Variants in SLC6A16 observed in about 807,000 individuals in gnomAD.
SLC6A16 encodes the protein solute carrier family 6 member 16.
A neutral mutation model predicts 65.4 loss-of-function variants in SLC6A16; 54 were observed. The observed-to-expected ratio is 0.83, with a 90% CI of 0.66 to 1.04. SLC6A16 has a LOEUF of 1.04. SLC6A16 is among the 50% of genes least tolerant of loss of function. SLC6A16 has a pLI of 0.00. For synonymous variants in SLC6A16, 330 were observed against 346.5 expected, an observed-to-expected ratio of 0.95 and a Z score of 0.53; for missense variants, 816 against 914.0, an observed-to-expected ratio of 0.89 and a Z score of 1.38.
At chr19:49,327,151 G>A (rs1226870736), upstream of SLC6A16, among the ~76,000 whole-genome samples, 1 of 151,006 alleles carries the variant, frequency 6.6e-6, no homozygotes, top group Non-Finnish European at 1.5e-5. Flanking sequence ...TCGGCTCACT[G>A]CAACCTCTGC....
intron 3 of SLC6A16, 76 bp from the exon 4 acceptor site, chr19:49,310,242 G>A: frequency 1.2e-6 from 2 of 1,605,452 alleles, no homozygotes; most frequent in Non-Finnish European, 1.7e-6. Flanking sequence ...AGAGGATTGG[G>A]GAACCAAAGG....
the SLC6A16 span, chr19:49,335,261 T>A: frequency 4.1e-6 from 2 of 484,346 alleles, no homozygotes; most frequent in South Asian, 5.2e-5. The surrounding 1 kb of genome is among the most constrained non-coding windows in gnomAD (Gnocchi z 4.6). Flanking sequence ...GCCCCATGAG[T>A]CCTTGGTGCC....
chr19:49,337,198 C>G, the SLC6A16 span: 1 of 1,614,026 alleles, frequency 6.2e-7, no homozygotes, highest in African/African-American at 1.3e-5. Context: ...CCTGGGAATC[C>G]TCATCTCCAC....
At chr19:49,307,730 A>AAAAAAAG (rs1447308100) in intron 7 of SLC6A16, among the ~76,000 whole-genome samples, 2 of 143,850 alleles carry the variant, frequency 1.4e-5, no homozygotes, top group Non-Finnish European at 3.0e-5. Flanking sequence ...GAAGCAAAAA[A>AAAAAAAG]AAAGAAAAAG....
In SLC6A16 at chr19:49,325,167, C is replaced by T. The variant is rs1280313088; in HGVS notation, c.-184G>A. The T allele has an allele frequency of 7.1e-6, 7 of 985,370 alleles. No individual in the cohort carries two copies. The highest frequency in any genetic ancestry group is 1.7e-5 in the African/African-American group (1 of 57,246). The allele number at this position is 985,370 out of a possible 1,614,324, so 61.0% of individuals were successfully genotyped here. On this transcript the variant is annotated 5_prime_UTR_variant, in exon 1 of 12. Transcript: ENST00000335875. The stretch of plus-strand genomic sequence containing the variant: ...CAGGCCCCTTCAGGCGTCGACAGAT[C>T]GGTTTGGGCGACACCCCTCGATCTG...
At chr19:49,326,566 T>A (rs1307320836), upstream of SLC6A16, among the ~76,000 whole-genome samples, 1 of 152,180 alleles carries the variant, frequency 6.6e-6, no homozygotes, top group Non-Finnish European at 1.5e-5. Context: ...AATCATTCAA[T>A]CTTTCAACAC....
At chr19:49,339,326 C>CA in the SLC6A16 span, 1 of 1,613,696 alleles carries the variant, frequency 6.2e-7, no homozygotes, top group Non-Finnish European at 8.5e-7. This position sits in a 1 kb window ranked among gnomAD's most constrained non-coding sequence, Gnocchi z 4.5. Context: ...CCTACACCCC[C>CA]CAGGGCTGCG....
Position 49,310,383 on chromosome 19 carries a change from C to T in SLC6A16, c.543G>A (p.Trp181Ter), listed in dbSNP as rs1277362371. ...AGCTAGAATACCCCACACCACCAATCCAGGGGGCAATGATCTTCCATACAC... is the reference window on the plus strand; with the variant it reads ...AGCTAGAATACCCCACACCACCAATTCAGGGGGCAATGATCTTCCATACAC... The part of the protein sequence containing the change: ...GMGVWKIIAP[W>*]IGGVGYSSFM... Residue 181 changes from tryptophan to a stop codon, truncating the protein, a stop_gained, in exon 3 of 12, where the codon TGG becomes TGA. Coordinates refer to ENST00000335875, the MANE Select transcript of SLC6A16 (RefSeq NM_014037.3). LOFTEE classifies it high-confidence loss of function. The T allele has an allele frequency of 1.9e-6, 3 of 1,613,978 alleles. No individual in the cohort carries two copies. The highest frequency in any genetic ancestry group is 1.3e-5 in the African/African-American group (1 of 74,898).
rs1056601994 is a variant in SLC6A16 at position 49,308,878 on chromosome 19, C to T, written c.1227G>A (p.Glu409=). ...CTTAACAAAGGGGCCGGCCTTACCT[C>T]TCACAGCAGCGATGTGTGATGACTG... ...WATVITHRCC[E]RNAEILLKLI... Residue 409 remains glutamate, a splice_region_variant and synonymous_variant, in exon 7 of 12, where the codon GAG becomes GAA. Coordinates refer to ENST00000335875, the MANE Select transcript of SLC6A16 (RefSeq NM_014037.3). 2 of 1,613,996 alleles carry T rather than the reference C, an allele frequency of 1.2e-6. No homozygotes were observed. Among genetic ancestry groups the T allele is most frequent in the African/African-American group, 2.7e-5 (2 of 74,902 alleles).
At chr19:49,335,561 C>T in the SLC6A16 span, 1 of 1,613,972 alleles carries the variant, frequency 6.2e-7, no homozygotes, top group Non-Finnish European at 8.5e-7. This position sits in a 1 kb window ranked among gnomAD's most constrained non-coding sequence, Gnocchi z 4.6. Flanking sequence ...AGGAGAGCTG[C>T]CTCAGCCTCA....
chr19:49,306,549 T>TG (rs898504952), intron 7 of SLC6A16, among the ~76,000 whole-genome samples: 1 of 141,564 alleles, frequency 7.1e-6, no homozygotes, highest in African/African-American at 2.8e-5. Flanking sequence ...TTTTTTTTCT[T>TG]TTTTTTTTTT....
At chr19:49,336,957 C>A in the SLC6A16 span, 1 of 1,614,186 alleles carries the variant, frequency 6.2e-7, no homozygotes, top group Non-Finnish European at 8.5e-7. Flanking sequence ...CTGGCCATCT[C>A]AGGAATCTTC....
Position 49,309,253 on chromosome 19 carries a change from T to C in SLC6A16, c.987+48A>G, listed in dbSNP as rs778482969. The C allele has an allele frequency of 3.2e-6, 5 of 1,572,132 alleles. No homozygotes were observed. In the South Asian group the frequency reaches 4.4e-5, roughly 14 times the overall value. ...AAAGGAAGCTCTAAGAATAGGCAGC[T>C]GTGGTGCCCTACAAGGCCTGACGGG... On this transcript the variant is annotated intron_variant, in intron 6 of 11. Transcript: ENST00000335875.
rs1393653107 is a variant in SLC6A16, at chr19:49,308,903, G to A, written c.1202C>T (p.Thr401Ile). 2.5e-6 allele frequency: 4 copies of A among 1,614,166 alleles called. No individual in the cohort carries two copies. The African/African-American group carries it at 4.0e-5, about 16-fold the overall frequency. Residue 401 changes from threonine (T) to isoleucine (I), a missense_variant, in exon 7 of 12, where the codon ACA becomes ATA. By Grantham distance (89) the Thr-to-Ile change is moderately conservative. Transcript: ENST00000335875. ...CTCACAGCAGCGATGTGTGATGACT[G>A]TCGCCCAGAAGCCCAGGACACAGAA... ...FNFCVLGFWA[T>I]VITHRCCERN...
chr19:49,312,387 C>T (rs925229224), intron 1 of SLC6A16: 7 of 203,806 alleles, frequency 3.4e-5, no homozygotes, highest in Non-Finnish European at 5.2e-5. Flanking sequence ...TAGCAGCTAC[C>T]TACCCACAAC....
At chr19:49,337,100 C>T in the SLC6A16 span, 17 of 1,614,002 alleles carry the variant, frequency 1.1e-5, no homozygotes, top group Middle Eastern at 1.6e-4. Flanking sequence ...TGGCCTGGGC[C>T]GGGGTTGCAG....
At chr19:49,336,809 C>A in the SLC6A16 span, 1 of 1,323,264 alleles carries the variant, frequency 7.6e-7, no homozygotes, top group Non-Finnish European at 1.1e-6. Flanking sequence ...GAGAGGGGCA[C>A]CAAGATACTG....
At chr19:49,301,352 TG>T (rs146498909) in intron 7 of SLC6A16, among the ~76,000 whole-genome samples, 36,758 of 151,986 alleles carry the variant, frequency 0.24, 4,692 homozygotes, top group South Asian at 0.39. Context: ...CACATTTCCG[TG>T]GGGACTGGCA....
At chr19:49,332,530 C>A in the SLC6A16 span, among the ~76,000 whole-genome samples, 1 of 152,128 alleles carries the variant, frequency 6.6e-6, no homozygotes, top group African/African-American at 2.4e-5. Context: ...AGCACTCCAG[C>A]CTGGGTGACA....
Sources: gnomAD v4.1 joint callset for allele counts (sites outside exome capture counted in the v4.1 genomes callset) on GRCh38, gnomAD v4.1.1 for gene constraint, Gnocchi (gnomAD v3.1) non-coding constraint, MANE v1.5 for transcripts, NCBI Gene and HGNC (gene_info 2026-07-23, HGNC 2026-07-21) for gene names.